The following LINGO2 variants were observed in gnomAD, a reference collection of about 807,000 sequenced individuals.
LINGO2 encodes the protein leucine-rich repeat and immunoglobulin-like domain-containing nogo receptor-interacting protein 2.
Under a neutral mutation model 30.6 loss-of-function variants are expected in LINGO2, and 14 were observed. That is an observed-to-expected ratio of 0.46 (90% CI 0.30 to 0.72). The LOEUF is 0.72. LINGO2 is among the 30% of genes least tolerant of loss of function. The pLI is 0.07. For synonymous variants in LINGO2, 317 were observed against 288.5 expected (o/e 1.10, Z -1.00); for missense variants, 729 against 751.7 (o/e 0.97, Z 0.35).
intron 1 of LINGO2, among the ~76,000 whole-genome samples, chr9:28,606,098 C>T (rs1465606930): frequency 6.6e-6 from 1 of 151,878 alleles, no homozygotes; most frequent in Non-Finnish European, 1.5e-5. Context: ...AGAATAAAAA[C>T]CCAGGATCCC....
the LINGO2 span, among the ~76,000 whole-genome samples, chr9:28,892,230 G>A: frequency 6.6e-6 from 1 of 151,926 alleles, no homozygotes; most frequent in African/African-American, 2.4e-5. Context: ...ATAATGTACT[G>A]AGCTCTAAGA....
chr9:27,991,024 C>A (rs889645220), intron 5 of LINGO2, among the ~76,000 whole-genome samples: 1 of 151,930 alleles, frequency 6.6e-6, no homozygotes, highest in East Asian at 1.9e-4. Context: ...TACAGCTGGG[C>A]AGGACAGGGC....
At chr9:28,892,656 A>C in the LINGO2 span, among the ~76,000 whole-genome samples, 1 of 151,980 alleles carries the variant, frequency 6.6e-6, no homozygotes, top group African/African-American at 2.4e-5. Context: ...ATACCAACAC[A>C]AAAGATTTTA....
At chr9:29,144,468 T>C in the LINGO2 span, among the ~76,000 whole-genome samples, 1 of 151,254 alleles carries the variant, frequency 6.6e-6, no homozygotes. Flanking sequence ...GAAAAAAAAA[T>C]ATACTGGAAG....
At chr9:28,849,299 TACAACGCTGTCCCTGG>T in the LINGO2 span, among the ~76,000 whole-genome samples, 1 of 152,042 alleles carries the variant, frequency 6.6e-6, no homozygotes, top group South Asian at 2.1e-4. Context: ...AAGTCCCTAG[TACAACGCTGTCCCTGG>T]CATGTGAAAA....
At chr9:28,841,489 C>T in the LINGO2 span, among the ~76,000 whole-genome samples, 1 of 151,660 alleles carries the variant, frequency 6.6e-6, no homozygotes, top group East Asian at 1.9e-4. Flanking sequence ...ATCCTAGGCA[C>T]TAAATATTTA....
the LINGO2 span, among the ~76,000 whole-genome samples, chr9:29,047,051 A>AAAAAAAAAAAAAAAC: frequency 5.7e-3 from 604 of 106,708 alleles, 51 homozygotes; most frequent in African/African-American, 0.018. Flanking sequence ...AAAAAAAAAA[A>AAAAAAAAAAAAAAAC]CCAAAAACAA....
At chr9:28,076,711 A>G (rs1243585354) in intron 4 of LINGO2, among the ~76,000 whole-genome samples, 1 of 152,024 alleles carries the variant, frequency 6.6e-6, no homozygotes, top group African/African-American at 2.4e-5. Flanking sequence ...GGTTCTTAAA[A>G]CCATAGTTTT....
At chr9:28,176,401 TATAGTAGC>T (rs1828752083) in intron 4 of LINGO2, among the ~76,000 whole-genome samples, 1 of 152,174 alleles carries the variant, frequency 6.6e-6, no homozygotes, top group South Asian at 2.1e-4. Flanking sequence ...TCTATACATC[TATAGTAGC>T]AGTTTTCATC....
the LINGO2 span, among the ~76,000 whole-genome samples, chr9:29,022,433 G>A: frequency 1.3e-5 from 2 of 152,044 alleles, no homozygotes; most frequent in Non-Finnish European, 2.9e-5. Context: ...TCTTTGGATC[G>A]TTTATGACAA....
At chr9:28,461,378 G>A (rs1384453672) in intron 2 of LINGO2, among the ~76,000 whole-genome samples, 3 of 152,036 alleles carry the variant, frequency 2.0e-5, no homozygotes, top group African/African-American at 7.2e-5. Flanking sequence ...CTGAAATGGT[G>A]TTTCCTGGCC....
intron 2 of LINGO2, among the ~76,000 whole-genome samples, chr9:28,474,806 C>T (rs961464026): frequency 6.6e-6 from 1 of 151,942 alleles, no homozygotes; most frequent in Non-Finnish European, 1.5e-5. Context: ...AGGCTGGTGT[C>T]AATTTGCAAA....
chr9:28,189,282 AG>A, intron 4 of LINGO2, among the ~76,000 whole-genome samples: 1 of 79,986 alleles, frequency 1.3e-5, no homozygotes. Context: ...GAAGGGAGGG[AG>A]GGAGGGAGGA....
intron 1 of LINGO2, among the ~76,000 whole-genome samples, chr9:28,481,009 A>G (rs10115580): frequency 0.15 from 22,611 of 151,938 alleles, 1,796 homozygotes; most frequent in South Asian, 0.22. Flanking sequence ...AAATTCTCCA[A>G]TCCAAAACTA....
At chr9:28,999,325 G>T in the LINGO2 span, among the ~76,000 whole-genome samples, 1 of 151,948 alleles carries the variant, frequency 6.6e-6, no homozygotes, top group Non-Finnish European at 1.5e-5. Context: ...TTTCTCCAGG[G>T]GTGATTTGGT....
At chr9:29,156,136 TG>T in the LINGO2 span, among the ~76,000 whole-genome samples, 3 of 152,240 alleles carry the variant, frequency 2.0e-5, no homozygotes, top group Non-Finnish European at 4.4e-5. Context: ...TGAAATAATA[TG>T]GTATACAATG....
chr9:28,333,048 C>T (rs1354778884), intron 3 of LINGO2, among the ~76,000 whole-genome samples: 10 of 152,112 alleles, frequency 6.6e-5, no homozygotes, highest in Admixed American at 1.3e-4. Context: ...TGCAGTTTTA[C>T]GGATCAAAAT....
chr9:28,138,982 C>A (rs536949202), intron 4 of LINGO2, among the ~76,000 whole-genome samples: 2 of 152,178 alleles, frequency 1.3e-5, no homozygotes, highest in Non-Finnish European at 2.9e-5. Context: ...CTAAGAGTTT[C>A]TCCCTCCACT....
the LINGO2 span, among the ~76,000 whole-genome samples, chr9:28,944,789 CA>C: frequency 6.6e-6 from 1 of 151,720 alleles, no homozygotes; most frequent in Admixed American, 6.6e-5. Flanking sequence ...AGATGACATA[CA>C]AACAGTCAAA....
Sources: allele counts gnomAD v4.1 joint callset (sites outside exome capture counted in the v4.1 genomes callset), GRCh38; gene constraint gnomAD v4.1.1; transcripts MANE v1.5; gene names NCBI Gene and HGNC (gene_info 2026-07-23, HGNC 2026-07-21).